Variants in ZNF705A observed in about 807,000 individuals in gnomAD.
The protein encoded by ZNF705A is zinc finger protein 705A.
Under a neutral mutation model 16.6 loss-of-function variants are expected in ZNF705A, and 8 were observed. That is an observed-to-expected ratio of 0.48 (90% CI 0.28 to 0.87). The LOEUF is 0.87. Among genes scored for constraint, ZNF705A ranks in the 40% least tolerant of loss-of-function variants. ZNF705A has a pLI of 0.10. For synonymous variants in ZNF705A, 73 were observed against 117.3 expected, an observed-to-expected ratio of 0.62 and a Z score of 2.44; for missense variants, 233 against 359.9, an observed-to-expected ratio of 0.65 and a Z score of 2.85.
chr12:8,163,983 T>A (rs1286847406), intron 1 of ZNF705A, among the ~76,000 whole-genome samples: 1 of 152,178 alleles, frequency 6.6e-6, no homozygotes, highest in East Asian at 1.9e-4. Flanking sequence ...TCAGTGAGCT[T>A]GGGGATAAGT....
chr12:8,176,779 G>C (rs1250592852), intron 4 of ZNF705A, among the ~76,000 whole-genome samples: 1 of 152,110 alleles, frequency 6.6e-6, no homozygotes, highest in Admixed American at 6.5e-5. Flanking sequence ...GAACCAGAAG[G>C]GGGAGGCAGG....
chr12:8,159,773 G>A (rs1371416059), intron 1 of ZNF705A, among the ~76,000 whole-genome samples: 7 of 151,880 alleles, frequency 4.6e-5, no homozygotes, highest in Admixed American at 1.3e-4. Flanking sequence ...CCCAGTCTCC[G>A]GGCTGTTTAC....
intron 1 of ZNF705A, among the ~76,000 whole-genome samples, chr12:8,162,371 G>A (rs187344809): frequency 1.3e-5 from 2 of 152,266 alleles, no homozygotes; most frequent in East Asian, 3.9e-4. Context: ...TGCCTTTGGA[G>A]TAGTCCACAC....
upstream of ZNF705A, among the ~76,000 whole-genome samples, chr12:8,167,904 A>G (rs1032615446): frequency 2.0e-5 from 3 of 152,374 alleles, no homozygotes; most frequent in Admixed American, 6.5e-5. Context: ...ACCCAGGCAG[A>G]TGCCTGAAGG....
chr12:8,173,619 A>G (rs1436401144), intron 1 of ZNF705A, among the ~76,000 whole-genome samples: 2 of 152,200 alleles, frequency 1.3e-5, no homozygotes, highest in Non-Finnish European at 2.9e-5. Flanking sequence ...GTGCTGCTAG[A>G]CTGTCTTTAA....
intron 1 of ZNF705A, among the ~76,000 whole-genome samples, chr12:8,162,739 G>A (rs1319435819): frequency 3.3e-5 from 5 of 152,158 alleles, no homozygotes; most frequent in Non-Finnish European, 1.5e-5. Flanking sequence ...AGAGCGAAAT[G>A]CTGTCTAAGC....
At chr12:8,174,531 A>G (rs1411802509) in intron 2 of ZNF705A, 79 bp downstream of exon 3, 3 of 1,593,194 alleles carry the variant, frequency 1.9e-6, no homozygotes, top group Non-Finnish European at 2.6e-6. Context: ...CAGCTTCCCC[A>G]TATCTCACTC....
At chr12:8,165,278 A>ATTTTTTTTTT (rs36022408) in intron 1 of ZNF705A, among the ~76,000 whole-genome samples, 1 of 94,508 alleles carries the variant, frequency 1.1e-5, no homozygotes, top group African/African-American at 4.8e-5. Context: ...ATCTTTGCCC[A>ATTTTTTTTTT]TTTTTTTTTT....
At chr12:8,177,519 G>T in exon 5 of ZNF705A, 2 of 1,612,380 alleles carry the variant, frequency 1.2e-6, no homozygotes, top group Non-Finnish European at 1.7e-6. Context: ...ATTCACACTG[G>T]AGAGAAACCA....
chr12:8,179,122 C>A (rs984793976), exon 5 of ZNF705A: 52 of 152,190 alleles, frequency 3.4e-4, no homozygotes. Flanking sequence ...TACCTGGGAT[C>A]AGAGAATAAG....
intron 1 of ZNF705A, among the ~76,000 whole-genome samples, chr12:8,166,538 G>C (rs1234540273): frequency 6.6e-6 from 1 of 152,196 alleles, no homozygotes; most frequent in African/African-American, 2.4e-5. Flanking sequence ...CTGCTGTGAT[G>C]TAAGACATGC....
At chr12:8,175,418 A>G (rs1464435784) in intron 3 of ZNF705A, 95 bp downstream of exon 4, 1 of 1,217,550 alleles carries the variant, frequency 8.2e-7, no homozygotes, top group Non-Finnish European at 1.2e-6. Flanking sequence ...TAAATGAGTG[A>G]TAATTTCTAA....
chr12:8,164,314 A>G (rs1192302243), intron 1 of ZNF705A, among the ~76,000 whole-genome samples: 4 of 152,192 alleles, frequency 2.6e-5, no homozygotes, highest in Admixed American at 2.6e-4. Flanking sequence ...TTAGATTTCA[A>G]ATACAAGTGA....
At chr12:8,172,306 C>T (rs923664146), upstream of ZNF705A, among the ~76,000 whole-genome samples, 3 of 151,500 alleles carry the variant, frequency 2.0e-5, no homozygotes, top group African/African-American at 4.9e-5. Flanking sequence ...TGCCAATTAA[C>T]ATACAAAACT....
chr12:8,157,054 T>C, exon 1 of ZNF705A: 1 of 397,812 alleles, frequency 2.5e-6, no homozygotes. Context: ...TTGCAAGGGG[T>C]TTTTCCTGAT....
At chr12:8,175,864 G>A (rs746471055) in exon 4 of ZNF705A, 3 of 1,611,260 alleles carry the variant, frequency 1.9e-6, no homozygotes, top group Non-Finnish European at 2.5e-6. Flanking sequence ...TTTCAGACAG[G>A]GAAAGTGCCC....
rs866982378 is a variant in ZNF705A at position 8,157,216 on chromosome 12, T to C, written c.-72+124T>C. 47 of 392,656 alleles carry C rather than the reference T, an allele frequency of 1.2e-4. 1 individual carries two copies. In the Middle Eastern group the frequency reaches 2.6e-3, roughly 22 times the overall value. 24.3% of individuals were successfully genotyped at this position (392,656 alleles called of 1,614,324 possible). A position where few individuals can be genotyped will look rare whatever the true frequency, so the allele number is the denominator to read the frequency against. ...CAACTGGAGACCCTAAATAAGCATT[T>C]CAAACTTAATAGGCTGAAATGACAC... On this transcript the variant is annotated intron_variant, in intron 1 of 5. Coordinates refer to the ZNF705A transcript ENST00000396570.
At chr12:8,170,298 GAA>G (rs1948435905), upstream of ZNF705A, among the ~76,000 whole-genome samples, 1 of 151,806 alleles carries the variant, frequency 6.6e-6, no homozygotes, top group African/African-American at 2.4e-5. Context: ...CTGCTCTGGT[GAA>G]AAGTTTGTCA....
At chr12:8,163,731 C>T (rs752459892) in intron 1 of ZNF705A, among the ~76,000 whole-genome samples, 92 of 152,232 alleles carry the variant, frequency 6.0e-4, no homozygotes, top group African/African-American at 2.1e-3. Context: ...TCATTAGGGA[C>T]GCAGGCCCCT....
Sources: allele counts gnomAD v4.1 joint callset (sites outside exome capture counted in the v4.1 genomes callset), GRCh38; gene constraint gnomAD v4.1.1; transcripts MANE v1.5; gene names NCBI Gene and HGNC (gene_info 2026-07-23, HGNC 2026-07-21).